Variants in KCNU1 observed in about 807,000 individuals in gnomAD.
KCNU1 encodes potassium calcium-activated channel subfamily U member 1.
Under a neutral mutation model 126.8 loss-of-function variants are expected in KCNU1, and 93 were observed. The ratio of observed to expected loss-of-function variants is 0.73; its 90% CI spans 0.62 to 0.87. KCNU1 has a LOEUF of 0.87. KCNU1 is among the 40% of genes least tolerant of loss of function. The pLI is 0.00. For synonymous variants in KCNU1, 523 were observed against 494.2 expected (o/e 1.06, Z -0.77); for missense variants, 1,330 against 1,367.1 (o/e 0.97, Z 0.43).
chr8:36,889,613 G>A (rs1806874963), intron 19 of KCNU1, among the ~76,000 whole-genome samples: 1 of 151,894 alleles, frequency 6.6e-6, no homozygotes, highest in East Asian at 1.9e-4. Flanking sequence ...TACAAAATAA[G>A]AACAATATCA....
chr8:36,849,862 A>AAATGCAAAT (rs1805281719), intron 18 of KCNU1, among the ~76,000 whole-genome samples: 1 of 152,182 alleles, frequency 6.6e-6, no homozygotes, highest in Admixed American at 6.5e-5. Context: ...TTGCTAAATC[A>AAATGCAAAT]AATGCAAATT....
intron 2 of KCNU1, among the ~76,000 whole-genome samples, chr8:36,797,385 A>T (rs1024087079): frequency 5.3e-5 from 8 of 152,102 alleles, no homozygotes; most frequent in African/African-American, 1.9e-4. Context: ...TATAGGGATT[A>T]TGTAAATCAA....
chr8:36,901,121 TG>T (rs1472285686), intron 19 of KCNU1, among the ~76,000 whole-genome samples: 2 of 152,010 alleles, frequency 1.3e-5, no homozygotes, highest in African/African-American at 4.8e-5. Context: ...ATAAATATTG[TG>T]AACAGTGGAA....
chr8:36,871,660 G>A (rs1379376663), intron 19 of KCNU1, among the ~76,000 whole-genome samples: 3 of 152,036 alleles, frequency 2.0e-5, no homozygotes, highest in Non-Finnish European at 4.4e-5. Context: ...ATATCTTTGT[G>A]AGTCTGTGGA....
At chr8:36,858,085 TCCACA>T (rs1252930194) in intron 18 of KCNU1, among the ~76,000 whole-genome samples, 2 of 148,434 alleles carry the variant, frequency 1.3e-5, no homozygotes, top group African/African-American at 5.0e-5. Context: ...CTGCTGCTAT[TCCACA>T]CCCAAAACTA....
Position 36,802,108 on chromosome 8 carries a change from C to CAA in KCNU1, c.316-1896_316-1895dup, listed in dbSNP as rs749026223. On this transcript the variant is annotated intron_variant, in intron 2 of 26. Coordinates refer to ENST00000399881, the MANE Select transcript of KCNU1 (RefSeq NM_001031836.3). ...TGGGGAAAAGAGCGAAACTCCGTCT[C>CAA]AAAAAAAAAAAAAAAAAAAAAAAAG... 3.2e-3 allele frequency among the ~76,000 whole-genome samples: 226 copies of CAA among 71,504 alleles called. 2 individuals carry two copies. Among genetic ancestry groups the CAA allele is most frequent in the East Asian group, 0.018 (33 of 1,844 alleles). 46.9% of individuals were successfully genotyped at this position (71,504 alleles called of 152,430 possible).
At chr8:36,896,034 T>C (rs1030226318) in intron 19 of KCNU1, among the ~76,000 whole-genome samples, 2 of 152,182 alleles carry the variant, frequency 1.3e-5, no homozygotes, top group East Asian at 3.9e-4. Context: ...AACATTAACA[T>C]ATGAACATTT....
chr8:36,857,628 T>G (rs1480299431), intron 18 of KCNU1, among the ~76,000 whole-genome samples: 8 of 130,082 alleles, frequency 6.1e-5, no homozygotes, highest in Non-Finnish European at 8.9e-5. Context: ...GTTGTTTGTT[T>G]TTTGTTTTTT....
intron 19 of KCNU1, among the ~76,000 whole-genome samples, chr8:36,892,962 T>C (rs1445052263): frequency 6.6e-6 from 1 of 151,964 alleles, no homozygotes; most frequent in African/African-American, 2.4e-5. Context: ...AAGTCTGTTA[T>C]TTTCTTTTGT....
At chr8:36,874,726 G>A (rs928223413) in intron 19 of KCNU1, among the ~76,000 whole-genome samples, 3 of 152,130 alleles carry the variant, frequency 2.0e-5, no homozygotes, top group African/African-American at 7.2e-5. Flanking sequence ...TATATTATTG[G>A]CTTTCGTACA....
intron 7 of KCNU1, among the ~76,000 whole-genome samples, chr8:36,810,869 T>A (rs1426192450): frequency 6.6e-6 from 1 of 152,174 alleles, no homozygotes; most frequent in African/African-American, 2.4e-5. Flanking sequence ...ATGTCCTTTA[T>A]ATTTAAAAAA....
intron 19 of KCNU1, among the ~76,000 whole-genome samples, chr8:36,871,813 A>C (rs1196487849): frequency 6.6e-6 from 1 of 152,174 alleles, no homozygotes; most frequent in African/African-American, 2.4e-5. Flanking sequence ...TACTGAGTGC[A>C]TATATTTATT....
At chr8:36,933,108 G>C (rs1219664617) in intron 26 of KCNU1, 76 bp downstream of exon 26, 1 of 890,456 alleles carries the variant, frequency 1.1e-6, no homozygotes, top group African/African-American at 1.7e-5. Context: ...CAATGTGAAA[G>C]AGAATTCCAG....
At chr8:36,787,903 C>A (rs998721471) in intron 2 of KCNU1, among the ~76,000 whole-genome samples, 91 of 148,108 alleles carry the variant, frequency 6.1e-4, no homozygotes, top group Admixed American at 6.8e-4. Context: ...GTATTATAAT[C>A]ATATTTTATA....
At chr8:36,786,690 A>G (rs1802722413) in intron 1 of KCNU1, among the ~76,000 whole-genome samples, 1 of 152,210 alleles carries the variant, frequency 6.6e-6, no homozygotes, top group African/African-American at 2.4e-5. Context: ...TAATTTCTCT[A>G]TACCTTGGTA....
At chr8:36,822,872 T>C (rs1012578027) in intron 10 of KCNU1, among the ~76,000 whole-genome samples, 16 of 152,204 alleles carry the variant, frequency 1.1e-4, no homozygotes, top group Non-Finnish European at 8.8e-5. Flanking sequence ...TCATTCTTTA[T>C]GCTGACTGCA....
At chr8:36,817,262 G>A (rs1370746427) in intron 9 of KCNU1, among the ~76,000 whole-genome samples, 1 of 151,720 alleles carries the variant, frequency 6.6e-6, no homozygotes, top group Non-Finnish European at 1.5e-5. Context: ...CATTTTGGGA[G>A]GCTGAGGTGG....
intron 2 of KCNU1, among the ~76,000 whole-genome samples, chr8:36,796,544 A>G (rs950242321): frequency 6.6e-6 from 1 of 152,254 alleles, no homozygotes; most frequent in African/African-American, 2.4e-5. Flanking sequence ...CCACTGATAT[A>G]CAAAGTCACC....
At chr8:36,830,979 A>T (rs989902054) in intron 10 of KCNU1, among the ~76,000 whole-genome samples, 1 of 140,186 alleles carries the variant, frequency 7.1e-6, no homozygotes, top group Non-Finnish European at 1.5e-5. Context: ...TCATTGTTCA[A>T]TTCCCACCTA....
Sources: gnomAD v4.1 joint callset for allele counts (sites outside exome capture counted in the v4.1 genomes callset) on GRCh38, gnomAD v4.1.1 for gene constraint, MANE v1.5 for transcripts, NCBI Gene and HGNC (gene_info 2026-07-23, HGNC 2026-07-21) for gene names.